Variants in C7orf57 observed in about 807,000 individuals in gnomAD.
The protein encoded by C7orf57 is chromosome 7 open reading frame 57.
Under a neutral mutation model 39.0 loss-of-function variants are expected in C7orf57, and 33 were observed. That is an observed-to-expected ratio of 0.85 (90% CI 0.64 to 1.13). The LOEUF is 1.13. Ranked by LOEUF, C7orf57 falls within the 50% of genes most tolerant of loss-of-function variation. The pLI, the probability that C7orf57 is intolerant of heterozygous loss-of-function variation, is 0.00. For synonymous variants in C7orf57, 124 were observed against 137.1 expected, an observed-to-expected ratio of 0.90 and a Z score of 0.67; for missense variants, 346 against 362.3, an observed-to-expected ratio of 0.95 and a Z score of 0.37.
At position 48,046,556 on chromosome 7, in the gene C7orf57, C is replaced by G; in HGVS notation, c.447C>G (p.Asp149Glu). ...ATGCATCCAGAAGAGGGCCCTTCGA[C>G]TTCGACATGAAAACAGTTTGGCAAA... ...GSYASRRGPF[D>E]FDMKTVWQRE... Residue 149 changes from aspartate to glutamate, a missense_variant, in exon 5 of 9, where the codon GAC becomes GAG. Physicochemically the swap from Asp to Glu is conservative, Grantham distance 45. Coordinates refer to ENST00000348904, the MANE Select transcript of C7orf57 (RefSeq NM_001100159.3). The G allele has an allele frequency of 6.2e-7, 1 of 1,613,872 alleles. No individual in the cohort carries two copies. Among genetic ancestry groups the G allele is most frequent in the East Asian group, 2.2e-5 (1 of 44,864 alleles).
chr7:48,051,688 CCTTT>C lies in C7orf57; in HGVS notation c.606-1001_606-998del, dbSNP rs1173816156. Among the ~76,000 whole-genome samples, 1,268 of 144,264 alleles carry C rather than the reference CCTTT, an allele frequency of 8.8e-3. 31 individuals are homozygous for C. The highest frequency in any genetic ancestry group is 0.014 in the Non-Finnish European group (896 of 64,890). The allele number at this position is 144,264 out of a possible 152,430, so 94.6% of individuals were successfully genotyped here. A position where few individuals can be genotyped will look rare whatever the true frequency, so the allele number is the denominator to read the frequency against. On this transcript the variant is annotated intron_variant, in intron 6 of 8. Coordinates refer to ENST00000348904, the MANE Select transcript of C7orf57 (RefSeq NM_001100159.3). ...TCTTCCTTTCTTCCTTCCTTCCTTC[CCTTT>C]CTTTCTTTCTCTCTCTCTCTCCTTT...
chr7:48,039,953 G>T (rs999712884), intron 2 of C7orf57, among the ~76,000 whole-genome samples: 1 of 149,264 alleles, frequency 6.7e-6, no homozygotes, highest in East Asian at 2.0e-4. Flanking sequence ...ATCAGGTGTG[G>T]TTTTTTTTTT....
In C7orf57 at chr7:48,051,852, T is replaced by TC. The variant is rs1182190124; in HGVS notation, c.606-848_606-847insC. ...CTTTCTTTCTTTCTTTCTTTCTTTC[T>TC]TTCTTTCTTTCTTTCTTTCTCTTTC... On this transcript the variant is annotated intron_variant, in intron 6 of 8. Transcript: ENST00000348904. Among the ~76,000 whole-genome samples, 230 of 80,602 alleles carry TC rather than the reference T, an allele frequency of 2.9e-3. 5 individuals are homozygous for TC. The highest frequency in any genetic ancestry group is 6.0e-3 in the South Asian group (14 of 2,336). 52.9% of individuals were successfully genotyped at this position (80,602 alleles called of 152,430 possible). A position where few individuals can be genotyped will look rare whatever the true frequency, so the allele number is the denominator to read the frequency against.
At chr7:48,045,536 G>C (rs1012177313) in intron 4 of C7orf57, among the ~76,000 whole-genome samples, 1 of 152,020 alleles carries the variant, frequency 6.6e-6, no homozygotes, top group Non-Finnish European at 1.5e-5. Flanking sequence ...CCTCCTTCAG[G>C]TGCTTTGCTG....
At chr7:48,041,591 T>G in intron 3 of C7orf57, 72 bp downstream of exon 3, 6 of 1,255,392 alleles carry the variant, frequency 4.8e-6, no homozygotes, top group Non-Finnish European at 6.5e-6. Context: ...TCCTAATTTC[T>G]TCCATATAAA....
rs1237852402 is a variant in C7orf57, at chr7:48,043,471, C to G, written c.242-10C>G. The stretch of plus-strand genomic sequence containing the variant: ...GGGTGTCTCACAGCCATGTCATTTT[C>G]TCTTTTGAGATTTGTTGAAGCACTT... On this transcript the variant is annotated splice_polypyrimidine_tract_variant and intron_variant, in intron 3 of 8. Transcript: ENST00000348904. The G allele has an allele frequency of 6.2e-7, 1 of 1,609,964 alleles. No individual in the cohort carries two copies. The highest frequency in any genetic ancestry group is 2.2e-5 in the East Asian group (1 of 44,820).
intron 4 of C7orf57, 141 bp downstream of exon 4, chr7:48,043,730 G>T: frequency 1.4e-6 from 1 of 724,168 alleles, no homozygotes. Context: ...ACAATAGCCT[G>T]CTCTTTGAGG....
intron 2 of C7orf57, among the ~76,000 whole-genome samples, chr7:48,036,899 G>A (rs977540944): frequency 1.3e-5 from 2 of 151,876 alleles, no homozygotes; most frequent in Non-Finnish European, 2.9e-5. Context: ...GAGAGGGGAA[G>A]GAAGAAGAAG....
chr7:48,041,999 G>C (rs1026541558), intron 3 of C7orf57, among the ~76,000 whole-genome samples: 7 of 152,184 alleles, frequency 4.6e-5, no homozygotes, highest in Non-Finnish European at 8.8e-5. Flanking sequence ...ACCAAATTTT[G>C]ATACATGATT....
chr7:48,053,175 A>G (rs1791011982), intron 7 of C7orf57: 2 of 599,600 alleles, frequency 3.3e-6, no homozygotes, highest in African/African-American at 1.8e-5. Context: ...TTTGTCAAAA[A>G]TTTTGATAGT....
At position 48,060,244 on chromosome 7, in the gene C7orf57, C is replaced by A; in HGVS notation, c.860C>A (p.Ser287Tyr). 6.5e-7 allele frequency: 1 copy of A among 1,539,828 alleles called. No individual in the cohort carries two copies. Among genetic ancestry groups the A allele is most frequent in the Admixed American group, 1.9e-5 (1 of 51,388 alleles). ...GTTGCAGGCCCAGAAGAATCTGTATCTGCATCAACACCAGCAGAGCTCAAA... is the reference window on the plus strand; with the variant it reads ...GTTGCAGGCCCAGAAGAATCTGTATATGCATCAACACCAGCAGAGCTCAAA... ...ESSQSPEESV[S>Y]ASTPAELK Residue 287 changes from serine to tyrosine, a missense_variant, in exon 9 of 9, where the codon TCT becomes TAT. Coordinates refer to ENST00000348904, the MANE Select transcript of C7orf57 (RefSeq NM_001100159.3).
intron 6 of C7orf57, 76 bp from the exon 7 acceptor site, chr7:48,052,624 G>A (rs1790988660): frequency 8.2e-7 from 1 of 1,221,016 alleles, no homozygotes; most frequent in African/African-American, 1.5e-5. Flanking sequence ...CCTATTTGGT[G>A]TGTTCACGGA....
chr7:48,036,293 C>T lies in C7orf57; in HGVS notation c.-16C>T, dbSNP rs759043075. ...CGGCAGCATCTGTCTTTTCCCGCAG[C>T]GTGCAGCGCCTGACCATGAGGAACA... is the stretch of plus-strand genomic sequence containing the variant. On this transcript the variant is annotated 5_prime_UTR_variant, in exon 2 of 9. Coordinates refer to ENST00000348904, the MANE Select transcript of C7orf57 (RefSeq NM_001100159.3). 5.7e-6 allele frequency: 9 copies of T among 1,574,892 alleles called. No individual in the cohort carries two copies. The highest frequency in any genetic ancestry group is 1.2e-5 in the South Asian group (1 of 85,780).
intron 2 of C7orf57, among the ~76,000 whole-genome samples, chr7:48,039,693 A>G (rs939038640): frequency 6.6e-6 from 1 of 152,160 alleles, no homozygotes; most frequent in African/African-American, 2.4e-5. Flanking sequence ...CCAAGTTGAC[A>G]CATAAAATTA....
At position 48,041,495 on chromosome 7, in the gene C7orf57, C is replaced by A; in HGVS notation, c.217C>A (p.Leu73Ile). ...AGAAACAGATTCGGAATATGTGAAG[C>A]TCGCGAAACAAGGTGGCAGGCCCGG... ...IKETDSEYVK[L>I]AKQGGRPDLL... Residue 73 changes from leucine to isoleucine, a missense_variant, in exon 3 of 9, where the codon CTC becomes ATC. Physicochemically the swap from Leu to Ile is conservative, Grantham distance 5. Transcript: ENST00000348904. 1 of 1,610,558 alleles carries A rather than the reference C, an allele frequency of 6.2e-7. No homozygotes were observed. Among genetic ancestry groups the A allele is most frequent in the Non-Finnish European group, 8.5e-7 (1 of 1,177,576 alleles).
chr7:48,041,902 G>A (rs1790561699), intron 3 of C7orf57, among the ~76,000 whole-genome samples: 1 of 152,186 alleles, frequency 6.6e-6, no homozygotes, highest in Non-Finnish European at 1.5e-5. Context: ...AGGTTTTGTT[G>A]TTTATTCTCA....
chr7:48,046,174 G>A (rs527632668), intron 4 of C7orf57, among the ~76,000 whole-genome samples: 43 of 151,968 alleles, frequency 2.8e-4, no homozygotes, highest in South Asian at 2.3e-3. Context: ...TGTTTTCAAG[G>A]AGAATGGGTA....
At chr7:48,053,930 G>C (rs942542955) in intron 7 of C7orf57, among the ~76,000 whole-genome samples, 1 of 152,178 alleles carries the variant, frequency 6.6e-6, no homozygotes, top group African/African-American at 2.4e-5. Flanking sequence ...GAAAGATGGC[G>C]TGTTATACCT....
chr7:48,038,383 T>TATATATATATATAG (rs148010398), intron 2 of C7orf57, among the ~76,000 whole-genome samples: 147 of 150,234 alleles, frequency 9.8e-4, no homozygotes, highest in African/African-American at 3.4e-3. Flanking sequence ...TCTATATACA[T>TATATATATATATAG]ATAGATAGAT....
Sources: allele counts gnomAD v4.1 joint callset (sites outside exome capture counted in the v4.1 genomes callset), GRCh38; gene constraint gnomAD v4.1.1; transcripts MANE v1.5; gene names NCBI Gene and HGNC (gene_info 2026-07-23, HGNC 2026-07-21).